The following DUSP3 variants were observed in gnomAD, a reference collection of about 807,000 sequenced individuals.
DUSP3 encodes dual specificity phosphatase 3.
Under a neutral mutation model 15.5 loss-of-function variants are expected in DUSP3, and 7 were observed. The ratio of observed to expected loss-of-function variants is 0.45; its 90% CI spans 0.26 to 0.85. DUSP3 has a LOEUF of 0.85. Ranked by LOEUF, DUSP3 falls within the 40% of genes least tolerant of loss-of-function variation. The pLI, the probability that DUSP3 is intolerant of heterozygous loss-of-function variation, is 0.18. For missense variants in DUSP3, 209 were observed against 251.7 expected (o/e 0.83, Z 1.15); for synonymous variants, 86 against 104.2 (o/e 0.83, Z 1.07).
rs756294930 is a variant in DUSP3 at position 43,774,889 on chromosome 17, C to G, written c.175G>C (p.Val59Leu). Residue 59 changes from valine (V) to leucine (L), a missense_variant, in exon 2 of 3, where the codon GTG (valine) becomes CTG (leucine). By Grantham distance (32) the Val-to-Leu change is conservative (BLOSUM62 1). Transcript: ENST00000226004. ...PKLQKLGITH[V>L]LNAAEGRSFM... ...GACCTGCCCTCAGCCGCGTTCAGCA[C>G]ATGGGTGATGCCTAGTTTCTGCAGC... 2 of 1,614,224 alleles carry G rather than the reference C, an allele frequency of 1.2e-6. No individual in the cohort carries two copies. Among genetic ancestry groups the G allele is most frequent in the Non-Finnish European group, 8.5e-7 (1 of 1,180,050 alleles).
chr17:43,770,756 T>C (rs1974307101), intron 2 of DUSP3, among the ~76,000 whole-genome samples: 2 of 150,812 alleles, frequency 1.3e-5, no homozygotes, highest in Non-Finnish European at 3.0e-5. Context: ...GTGCTGGTAG[T>C]GTTTTGTTTC....
rs141277725 is a variant in DUSP3, at chr17:43,770,641, C to T, written c.353-827G>A. On this transcript the variant is annotated intron_variant, in intron 2 of 2. Coordinates refer to ENST00000226004, the MANE Select transcript of DUSP3 (RefSeq NM_004090.4). ...TGAGATTGTGCTCCAGCCTGGGTGACAGAGCGAGACTCTGTCTCAAAAAAA... is the reference window on the plus strand; with the variant it reads ...TGAGATTGTGCTCCAGCCTGGGTGATAGAGCGAGACTCTGTCTCAAAAAAA... Among the ~76,000 whole-genome samples, 534 of 150,764 alleles carry T rather than the reference C, an allele frequency of 3.5e-3. 1 individual carries two copies. Among genetic ancestry groups the T allele is most frequent in the Admixed American group, 8.2e-3 (125 of 15,196 alleles).
chr17:43,774,072 A>G (rs1340880063), intron 2 of DUSP3: 1 of 220,048 alleles, frequency 4.5e-6, no homozygotes, highest in Non-Finnish European at 8.9e-6. Context: ...AGATCGCGCC[A>G]TTGCTCTTCA....
chr17:43,776,358 C>T (rs1329129537), intron 1 of DUSP3, among the ~76,000 whole-genome samples: 1 of 152,248 alleles, frequency 6.6e-6, no homozygotes, highest in Non-Finnish European at 1.5e-5. Flanking sequence ...TGGGCACAGG[C>T]CCCGTGTGCT....
rs1473221624 is a variant in DUSP3, at chr17:43,766,559, T to C, written c.*3050A>G. On this transcript the variant is annotated 3_prime_UTR_variant, in exon 3 of 3. Transcript: ENST00000226004. ...ACTTGTGGCACAAAAGGCACCAACA[T>C]TCCCTTTCCAAACCATCCATCACCA... 6.6e-6 allele frequency: 1 copy of C among 152,290 alleles called. No homozygotes were observed. The highest frequency in any genetic ancestry group is 1.5e-5 in the Non-Finnish European group (1 of 67,960). The allele number at this position is 152,290 out of a possible 1,614,324, so 9.4% of individuals were successfully genotyped here.
At chr17:43,773,639 G>A (rs1013786877) in intron 2 of DUSP3, among the ~76,000 whole-genome samples, 1 of 152,180 alleles carries the variant, frequency 6.6e-6, no homozygotes, top group African/African-American at 2.4e-5. Context: ...TGAGATGTGA[G>A]GGGTATTTCT....
Position 43,769,477 on chromosome 17 carries a change from G to C in DUSP3, c.*132C>G, listed in dbSNP as rs1974283567. 9.2e-7 allele frequency: 1 copy of C among 1,084,116 alleles called. No individual in the cohort carries two copies. The allele number at this position is 1,084,116 out of a possible 1,614,324, so 67.2% of individuals were successfully genotyped here. A position where few individuals can be genotyped will look rare whatever the true frequency, so the allele number is the denominator to read the frequency against. Reference sequence around the variant, plus strand: ...GGGAAAGTGGCCCAGGACTGTGTTGGGACACACTTGTAGACAAGTGCCTTG... The same window carrying C: ...GGGAAAGTGGCCCAGGACTGTGTTGCGACACACTTGTAGACAAGTGCCTTG... On this transcript the variant is annotated 3_prime_UTR_variant, in exon 3 of 3. Transcript: ENST00000226004.
In DUSP3 at chr17:43,769,249, G is replaced by C. The variant is rs1808161704; in HGVS notation, c.*360C>G. On this transcript the variant is annotated 3_prime_UTR_variant, in exon 3 of 3. Transcript: ENST00000226004. ...GAGGATTCGGGAGTTGGGGAAGGGA[G>C]GTCATGAGGGACCTCTGTGAGCATC... The C allele has an allele frequency of 3.9e-6, 1 of 255,046 alleles. No individual in the cohort carries two copies. The highest frequency in any genetic ancestry group is 7.6e-6 in the Non-Finnish European group (1 of 132,328). 15.8% of individuals were successfully genotyped at this position (255,046 alleles called of 1,614,324 possible). A position where few individuals can be genotyped will look rare whatever the true frequency, so the allele number is the denominator to read the frequency against.
chr17:43,771,319 T>C lies in DUSP3; in HGVS notation c.353-1505A>G, dbSNP rs554041046. Among the ~76,000 whole-genome samples, 431 of 152,204 alleles carry C rather than the reference T, an allele frequency of 2.8e-3. 2 individuals carry two copies. Among genetic ancestry groups the C allele is most frequent in the African/African-American group, 0.01 (416 of 41,546 alleles). On this transcript the variant is annotated intron_variant, in intron 2 of 2. Transcript: ENST00000226004. ...TCAGTACAGACATAACATCTTTTTA[T>C]GTTGTTTTTAATATTTTTCAGACTG...
intron 1 of DUSP3, among the ~76,000 whole-genome samples, chr17:43,775,150 T>C (rs1974371665): frequency 6.6e-6 from 1 of 152,206 alleles, no homozygotes; most frequent in East Asian, 1.9e-4. Context: ...GGTGGTTTCA[T>C]AGCCATGCTG....
At position 43,767,552 on chromosome 17, in the gene DUSP3, C is replaced by T. The variant is rs1343491642; in HGVS notation, c.*2057G>A. 1 of 152,546 alleles carries T rather than the reference C, an allele frequency of 6.6e-6. No individual in the cohort carries two copies. Among genetic ancestry groups the T allele is most frequent in the African/African-American group, 2.4e-5 (1 of 41,416 alleles). 9.4% of individuals were successfully genotyped at this position (152,546 alleles called of 1,614,324 possible). ...TATGGAGCTGGACAACCCTGGGGGC[C>T]AGGCCCTTAATCATTCTGAACCTCA... On this transcript the variant is annotated 3_prime_UTR_variant, in exon 3 of 3. Coordinates refer to ENST00000226004, the MANE Select transcript of DUSP3 (RefSeq NM_004090.4).
chr17:43,769,916 C>T (rs1269069264), intron 2 of DUSP3, 102 bp from the exon 3 acceptor site: 10 of 1,272,036 alleles, frequency 7.9e-6, no homozygotes, highest in East Asian at 2.5e-5. Flanking sequence ...CACAATGTCA[C>T]GCCACTGTGT....
intron 1 of DUSP3, chr17:43,778,232 CA>C (rs1183701949): frequency 6.6e-6 from 1 of 152,462 alleles, no homozygotes; most frequent in African/African-American, 2.4e-5. Context: ...TCCTGTAAAT[CA>C]AATCACATCT....
Position 43,766,765 on chromosome 17 carries a change from T to G in DUSP3, c.*2844A>C, listed in dbSNP as rs925820866. ...GTGGTGGTTTCTGGATAACTCAGAGTGGCAGGGACACAGACGAGCCTGTGG... is the reference window on the plus strand; with the variant it reads ...GTGGTGGTTTCTGGATAACTCAGAGGGGCAGGGACACAGACGAGCCTGTGG... On this transcript the variant is annotated 3_prime_UTR_variant, in exon 3 of 3. Coordinates refer to ENST00000226004, the MANE Select transcript of DUSP3 (RefSeq NM_004090.4). The G allele has an allele frequency of 6.6e-6, 1 of 152,126 alleles. No homozygotes were observed. 9.4% of individuals were successfully genotyped at this position (152,126 alleles called of 1,614,324 possible).
At chr17:43,777,789 C>CT (rs1444679481) in intron 1 of DUSP3, 1 of 210,430 alleles carries the variant, frequency 4.8e-6, no homozygotes, top group Non-Finnish European at 1.0e-5. Flanking sequence ...AACACTGGTT[C>CT]TTTCCTGCTG....
chr17:43,774,552 G>C (rs1974361853), intron 2 of DUSP3, among the ~76,000 whole-genome samples, 160 bp downstream of exon 2: 1 of 152,152 alleles, frequency 6.6e-6, no homozygotes, highest in African/African-American at 2.4e-5. Context: ...CCACTTGACA[G>C]CCAGCCAGGT....
intron 2 of DUSP3, chr17:43,774,207 G>A: frequency 3.8e-6 from 1 of 265,042 alleles, no homozygotes; most frequent in Non-Finnish European, 7.3e-6. Flanking sequence ...ACTTTGTCCT[G>A]CTTGGATGTG....
At chr17:43,776,176 C>G (rs1974385837) in intron 1 of DUSP3, among the ~76,000 whole-genome samples, 1 of 152,174 alleles carries the variant, frequency 6.6e-6, no homozygotes, top group South Asian at 2.1e-4. Flanking sequence ...GAAAAGGCCC[C>G]TTTATTTCAT....
At position 43,769,851 on chromosome 17, in the gene DUSP3, G is replaced by A. The variant is rs140007271; in HGVS notation, c.353-37C>T. 2,102 of 1,607,262 alleles carry A rather than the reference G, an allele frequency of 1.3e-3. 30 individuals carry two copies. The African/African-American group carries it at 0.024, about 19-fold the overall frequency. On this transcript the variant is annotated intron_variant, in intron 2 of 2. Transcript: ENST00000226004. ...AGGGGAGACGTGGTGAGCTGGGGGCGTCCCATCACACCATGGCGTTGGTCA... is the reference window on the plus strand; with the variant it reads ...AGGGGAGACGTGGTGAGCTGGGGGCATCCCATCACACCATGGCGTTGGTCA...
Sources: gnomAD v4.1 joint callset for allele counts (sites outside exome capture counted in the v4.1 genomes callset) on GRCh38, gnomAD v4.1.1 for gene constraint, MANE v1.5 for transcripts, NCBI Gene and HGNC (gene_info 2026-07-23, HGNC 2026-07-21) for gene names.